Variants in FMN1 observed in about 807,000 individuals in gnomAD.
FMN1 encodes formin-1.
A neutral mutation model predicts 132.4 loss-of-function variants in FMN1; 110 were observed. The observed-to-expected ratio is 0.83, with a 90% confidence interval of 0.71 to 0.97. The LOEUF is 0.97. Ranked by LOEUF, FMN1 falls within the 50% of genes least tolerant of loss-of-function variation. The pLI, the probability that FMN1 is intolerant of heterozygous loss-of-function variation, is 0.00. For synonymous variants in FMN1, 722 were observed against 651.7 expected (o/e 1.11, Z -1.64); for missense variants, 1,792 against 1,705.3 (o/e 1.05, Z -0.90).
chr15:32,779,756 A>T (rs1174840090), intron 19 of FMN1, among the ~76,000 whole-genome samples: 1 of 152,126 alleles, frequency 6.6e-6, no homozygotes, highest in East Asian at 1.9e-4. Context: ...AATTTTCACA[A>T]CTCTGTGAGA....
At chr15:33,170,189 A>G (rs1965264576) in intron 3 of FMN1, among the ~76,000 whole-genome samples, 1 of 152,144 alleles carries the variant, frequency 6.6e-6, no homozygotes, top group Non-Finnish European at 1.5e-5. Flanking sequence ...TTCAATATAC[A>G]GTGCTGGGAA....
chr15:32,871,762 G>C (rs991307172), intron 16 of FMN1, among the ~76,000 whole-genome samples: 1 of 152,154 alleles, frequency 6.6e-6, no homozygotes, highest in Non-Finnish European at 1.5e-5. Context: ...GAGATGAAGG[G>C]GAGAGATTTT....
chr15:33,048,834 G>A (rs1205359199), intron 6 of FMN1, among the ~76,000 whole-genome samples: 2 of 151,948 alleles, frequency 1.3e-5, no homozygotes, highest in African/African-American at 4.8e-5. Context: ...GAAGAGCATG[G>A]GAAGGACCTG....
chr15:32,958,119 A>G (rs1048421395), intron 9 of FMN1, among the ~76,000 whole-genome samples: 1 of 152,210 alleles, frequency 6.6e-6, no homozygotes, highest in Admixed American at 6.5e-5. Flanking sequence ...GTTACATAGA[A>G]AGCACATCTT....
At chr15:33,054,776 G>C (rs987266896) in intron 6 of FMN1, among the ~76,000 whole-genome samples, 1 of 152,008 alleles carries the variant, frequency 6.6e-6, no homozygotes, top group Non-Finnish European at 1.5e-5. Context: ...ACAGTTTTTG[G>C]TGAAAGCTTT....
intron 4 of FMN1, among the ~76,000 whole-genome samples, chr15:33,128,827 C>A (rs1963392570): frequency 6.6e-6 from 1 of 152,222 alleles, no homozygotes; most frequent in Non-Finnish European, 1.5e-5. Context: ...ATAACAAAGC[C>A]TCCGCAATGC....
intron 17 of FMN1, among the ~76,000 whole-genome samples, chr15:32,806,960 T>C (rs745393135): frequency 6.6e-6 from 1 of 152,200 alleles, no homozygotes; most frequent in Non-Finnish European, 1.5e-5. Context: ...CCTTTCCTCA[T>C]GTGTTTATCA....
chr15:32,843,168 G>T (rs2058784309), intron 17 of FMN1, among the ~76,000 whole-genome samples: 1 of 151,110 alleles, frequency 6.6e-6, no homozygotes, highest in African/African-American at 2.4e-5. Flanking sequence ...GTAGGGGAGA[G>T]ATTTGAACTC....
intron 20 of FMN1, among the ~76,000 whole-genome samples, chr15:32,775,744 G>C (rs2056396024): frequency 6.6e-6 from 1 of 152,192 alleles, no homozygotes; most frequent in Non-Finnish European, 1.5e-5. Flanking sequence ...GTTGTTGGGA[G>C]AAACATTATG....
chr15:32,863,485 T>C (rs2059324029), intron 16 of FMN1, among the ~76,000 whole-genome samples: 1 of 152,160 alleles, frequency 6.6e-6, no homozygotes, highest in South Asian at 2.1e-4. Context: ...ATTCAACACA[T>C]GTCTACTGAG....
chr15:33,188,515 G>T (rs1965967718), intron 2 of FMN1, among the ~76,000 whole-genome samples: 1 of 152,022 alleles, frequency 6.6e-6, no homozygotes, highest in African/African-American at 2.4e-5. Flanking sequence ...CAGGCAGAAG[G>T]TCCCTGCACA....
At chr15:33,180,367 A>C (rs1965654929) in intron 2 of FMN1, 105 bp from the exon 3 acceptor site, 1 of 152,110 alleles carries the variant, frequency 6.6e-6, no homozygotes, top group Non-Finnish European at 1.5e-5. Context: ...GCTAATTTGA[A>C]GGGGCTTTCA....
At chr15:32,955,152 TAA>T (rs1223635939) in intron 9 of FMN1, among the ~76,000 whole-genome samples, 1 of 152,204 alleles carries the variant, frequency 6.6e-6, no homozygotes, top group Non-Finnish European at 1.5e-5. Flanking sequence ...TCAAATTAGT[TAA>T]TATATGACAG....
intron 10 of FMN1, among the ~76,000 whole-genome samples, chr15:32,924,519 G>A (rs753778891): frequency 2.6e-5 from 4 of 152,186 alleles, no homozygotes; most frequent in Admixed American, 6.5e-5. Context: ...AACCTAAAGG[G>A]CCGTGTGGTG....
At chr15:32,905,198 C>T (rs1474220456) in intron 12 of FMN1, among the ~76,000 whole-genome samples, 1 of 152,218 alleles carries the variant, frequency 6.6e-6, no homozygotes, top group Admixed American at 6.5e-5. Context: ...ACAGCAGCAA[C>T]TCAGCTGACG....
intron 10 of FMN1, among the ~76,000 whole-genome samples, chr15:32,913,452 C>G (rs956374687): frequency 3.9e-5 from 6 of 152,150 alleles, no homozygotes; most frequent in Admixed American, 2.0e-4. Flanking sequence ...TGCCTCGCCT[C>G]AATTACACTT....
chr15:33,038,912 C>T (rs976209276), intron 6 of FMN1, among the ~76,000 whole-genome samples: 1 of 152,152 alleles, frequency 6.6e-6, no homozygotes, highest in Non-Finnish European at 1.5e-5. Context: ...GTGTCCCCCA[C>T]TTTGAAGACT....
chr15:33,021,888 AAC>A (rs1440375724), intron 6 of FMN1, among the ~76,000 whole-genome samples: 2 of 152,192 alleles, frequency 1.3e-5, no homozygotes, highest in Admixed American at 1.3e-4. Flanking sequence ...CATAGTCAAC[AAC>A]AGTTAAATAA....
intron 6 of FMN1, among the ~76,000 whole-genome samples, chr15:33,059,258 G>GTATA (rs34298669): frequency 1.3e-5 from 2 of 151,990 alleles, no homozygotes; most frequent in Non-Finnish European, 2.9e-5. Flanking sequence ...GTATTCCATT[G>GTATA]TATATATATA....
Sources: gnomAD v4.1 joint callset for allele counts (sites outside exome capture counted in the v4.1 genomes callset) on GRCh38, gnomAD v4.1.1 for gene constraint, MANE v1.5 for transcripts, NCBI Gene and HGNC (gene_info 2026-07-23, HGNC 2026-07-21) for gene names.